JAK3: variants seen among roughly 807,000 people sequenced by gnomAD.
JAK3 encodes the protein Janus kinase 3, also known as tyrosine-protein kinase JAK3.
In JAK3, 88 loss-of-function variants were observed where a neutral mutation model predicts 120.8. That is an observed-to-expected ratio of 0.73 (90% CI 0.61 to 0.87). The LOEUF (loss-of-function observed/expected upper bound fraction) is 0.87, where lower values mean the gene tolerates loss of function less well. JAK3 is among the 40% of genes least tolerant of loss of function. The pLI, the probability that JAK3 is intolerant of heterozygous loss-of-function variation, is 0.00. For missense variants in JAK3, 1,254 were observed against 1,501.4 expected (o/e 0.84, Z 2.72); for synonymous variants, 592 against 628.6 (o/e 0.94, Z 0.87).
Position 17,841,963 on chromosome 19 carries a change from C to A in JAK3, c.862-201G>T, listed in dbSNP as rs999333489. Among the ~76,000 whole-genome samples the A allele has an allele frequency of 1.1e-4, 17 of 151,610 alleles. No individual in the cohort carries two copies. The highest frequency in any genetic ancestry group is 2.6e-4 in the Admixed American group (4 of 15,214). On this transcript the variant is annotated intron_variant, in intron 6 of 23. Coordinates refer to ENST00000458235, the MANE Select transcript of JAK3 (RefSeq NM_000215.4). The surrounding 1 kb of genome is among the most constrained non-coding windows in gnomAD (Gnocchi z 4.1). Reference sequence around the variant, plus strand: ...AACATCTCCCACCCGCTCTGCCAATCCCCGCCTCCTTCTCTCTGCCGGACC... The same window carrying A: ...AACATCTCCCACCCGCTCTGCCAATACCCGCCTCCTTCTCTCTGCCGGACC...
chr19:17,828,139 C>T (rs78295143), intron 23 of JAK3, among the ~76,000 whole-genome samples: 3,251 of 152,174 alleles, frequency 0.021, 127 homozygotes, highest in African/African-American at 0.073. Flanking sequence ...GCGTCGGCCC[C>T]GTAAGAGGCC....
rs199853515 is a variant in JAK3 at position 17,843,029 on chromosome 19, G to C, written c.564C>G (p.Val188=). The C allele has an allele frequency of 1.7e-5, 28 of 1,610,306 alleles. No individual in the cohort carries two copies. The highest frequency in any genetic ancestry group is 2.3e-5 in the Non-Finnish European group (27 of 1,179,928). The stretch of plus-strand genomic sequence containing the variant: ...CCCCACAGCCTGGTGGCTCTCACCT[G>C]ACAGTCTTCAGCAGCTCTCCCGGCC... ...AQRPGELLKT[V]SYKACLPPSL... is the part of the protein sequence containing the mutation. The change falls in exon 5 of 24, where the codon GTC becomes GTG. Residue 188 remains valine (V), a splice_region_variant and synonymous_variant. Transcript: ENST00000458235. The surrounding 1 kb of genome is among the most constrained non-coding windows in gnomAD (Gnocchi z 5.4).
intron 1 of JAK3, among the ~76,000 whole-genome samples, chr19:17,845,857 C>A (rs2094250963): frequency 6.6e-6 from 1 of 152,126 alleles, no homozygotes; most frequent in African/African-American, 2.4e-5. Context: ...CAGAGTCTAG[C>A]TCTGTCATCC....
At position 17,842,365 on chromosome 19, in the gene JAK3, A is replaced by C. The variant is rs2094241795; in HGVS notation, c.812T>G (p.Leu271Arg). 2 of 1,589,126 alleles carry C rather than the reference A, an allele frequency of 1.3e-6. No individual in the cohort carries two copies. Among genetic ancestry groups the C allele is most frequent in the Non-Finnish European group, 1.7e-6 (2 of 1,172,472 alleles). The change falls in exon 6 of 24, where the codon CTC (leucine) becomes CGC (arginine). Residue 271 changes from leucine to arginine, a missense_variant. Physicochemically the swap from Leu to Arg is moderately radical, Grantham distance 102. Coordinates refer to ENST00000458235, the MANE Select transcript of JAK3 (RefSeq NM_000215.4). This position sits in a 1 kb window ranked among gnomAD's most constrained non-coding sequence, Gnocchi z 6.4. ...ALGGHDGLGL[L>R]RVAGDGGIAW... is the part of the protein sequence containing the mutation. ...GATGCCGCCGTCACCAGCCACGCGG[A>C]GCAGCCCCAGCCCGTCGTGGCCACC...
Position 17,842,947 on chromosome 19 carries a change from G to C in JAK3, c.566+80C>G, listed in dbSNP as rs1047017828. Reference sequence around the variant, plus strand: ...AAAGCTTGCAGGAGAACTCCATGGTGGGAGCCCGGCAAAGCCCCGATGGAG... The same window carrying C: ...AAAGCTTGCAGGAGAACTCCATGGTCGGAGCCCGGCAAAGCCCCGATGGAG... On this transcript the variant is annotated intron_variant, in intron 5 of 23. Coordinates refer to ENST00000458235, the MANE Select transcript of JAK3 (RefSeq NM_000215.4). This position sits in a 1 kb window ranked among gnomAD's most constrained non-coding sequence, Gnocchi z 6.4. The C allele has an allele frequency of 5.3e-5, 84 of 1,575,422 alleles. No individual in the cohort carries two copies. In the East Asian group the frequency reaches 1.8e-3, roughly 34 times the overall value.
At chr19:17,847,105 C>T (rs1429624637) in intron 1 of JAK3, among the ~76,000 whole-genome samples, 1 of 152,136 alleles carries the variant, frequency 6.6e-6, no homozygotes, top group Non-Finnish European at 1.5e-5. Flanking sequence ...ACCATGTTGA[C>T]CAGGCTGATC....
chr19:17,831,262 CGTA>C lies in JAK3; in HGVS notation c.2941_2943del (p.Tyr981del). 6 of 1,612,524 alleles carry C rather than the reference CGTA, an allele frequency of 3.7e-6. No homozygotes were observed. Among genetic ancestry groups the C allele is most frequent in the Non-Finnish European group, 5.1e-6 (6 of 1,179,784 alleles). On this transcript the variant is annotated inframe_deletion, in exon 21 of 24. Coordinates refer to ENST00000458235, the MANE Select transcript of JAK3 (RefSeq NM_000215.4). This position sits in a 1 kb window ranked among gnomAD's most constrained non-coding sequence, Gnocchi z 5.1. The stretch of plus-strand genomic sequence containing the variant: ...GGGCTCTGGCCTGGCTCGCGGACCA[CGTA>C]GTAGTCTTTGTCAAGCGGCAGCAGC...
At position 17,841,400 on chromosome 19, in the gene JAK3, G is replaced by A. The variant is rs55802448; in HGVS notation, c.1131C>T (p.His377=). 3,048 of 1,550,872 alleles carry A rather than the reference G, an allele frequency of 2.0e-3. 33 individuals are homozygous for A. The highest frequency in any genetic ancestry group is 0.016 in the South Asian group (1,313 of 84,318). The change falls in exon 8 of 24, where the codon CAC becomes CAT. Residue 377 remains histidine, a synonymous_variant. Transcript: ENST00000458235. The surrounding 1 kb of genome is among the most constrained non-coding windows in gnomAD (Gnocchi z 4.1). The part of the protein sequence containing the change: ...RLLEEVAEQC[H]GPITLDFAIN... ...GGACAGGTCCTTACGTGATGGGGCC[G>A]TGGCACTGCTCGGCCACTTCCTCCA... is the stretch of plus-strand genomic sequence containing the variant.
At chr19:17,840,940 C>G (rs1456746473) in intron 8 of JAK3, among the ~76,000 whole-genome samples, 1 of 151,054 alleles carries the variant, frequency 6.6e-6, no homozygotes, top group Non-Finnish European at 1.5e-5. Context: ...GCCTCAGCCT[C>G]CGGAGTCGCT....
intron 1 of JAK3, among the ~76,000 whole-genome samples, chr19:17,846,335 A>G (rs930319548): frequency 3.9e-5 from 6 of 152,276 alleles, no homozygotes; most frequent in East Asian, 1.9e-4. Flanking sequence ...AGGAAGGGCA[A>G]TTGGCACAGC....
chr19:17,847,642 C>T (rs867602552), intron 1 of JAK3, among the ~76,000 whole-genome samples: 25 of 152,242 alleles, frequency 1.6e-4, no homozygotes, highest in Admixed American at 4.6e-4. Flanking sequence ...CTCCGCCCCC[C>T]AATCCCTCCT....
rs3212739 is a variant in JAK3, at chr19:17,840,680, G to A, written c.1143-339C>T. ...CGGGAGGCTGAGGCAGGAGAATGGC[G>A]TGACCCTGGGAAGCAGAGGTTGCAT... is the stretch of plus-strand genomic sequence containing the variant. On this transcript the variant is annotated intron_variant, in intron 8 of 23. Transcript: ENST00000458235. 0.035 allele frequency among the ~76,000 whole-genome samples: 5,298 copies of A among 151,664 alleles called. 313 individuals carry two copies. The highest frequency in any genetic ancestry group is 0.12 in the African/African-American group (5,008 of 41,184).
At chr19:17,835,840 T>C in intron 14 of JAK3, 84 bp downstream of exon 14, 2 of 1,575,182 alleles carry the variant, frequency 1.3e-6, no homozygotes, top group South Asian at 1.1e-5. Flanking sequence ...CTATGCATAC[T>C]ACAGAGCCCA....
intron 22 of JAK3, 30 bp from the exon 23 acceptor site, chr19:17,830,248 G>A: frequency 1.3e-6 from 2 of 1,527,442 alleles, no homozygotes; most frequent in East Asian, 4.9e-5. Flanking sequence ...CATGTGGTGG[G>A]GGAGGAGCCT....
At chr19:17,844,001 A>G in intron 2 of JAK3, 101 bp from the exon 3 acceptor site, 14 of 1,423,272 alleles carry the variant, frequency 9.8e-6, no homozygotes, top group Non-Finnish European at 1.4e-5. Context: ...TCCATACCTC[A>G]AGGTATGACC....
At chr19:17,837,735 G>A (rs541099108) in intron 12 of JAK3, among the ~76,000 whole-genome samples, 197 bp downstream of exon 12, 11 of 150,956 alleles carry the variant, frequency 7.3e-5, no homozygotes, top group Non-Finnish European at 1.3e-4. Context: ...TTGTCAAGAC[G>A]AGGTCTCGCT....
chr19:17,840,323 G>C lies in JAK3; in HGVS notation c.1161C>G (p.Asn387Lys), dbSNP rs1301716363. The C allele has an allele frequency of 1.9e-6, 3 of 1,613,582 alleles. No individual in the cohort carries two copies. Among genetic ancestry groups the C allele is most frequent in the Non-Finnish European group, 2.5e-6 (3 of 1,179,688 alleles). The change falls in exon 9 of 24, where the codon AAC (asparagine) becomes AAG (lysine). Residue 387 changes from asparagine (N) to lysine (K), a missense_variant. By Grantham distance (94) the Asn-to-Lys change is moderately conservative. Around this residue, in one of 3 missense-constraint regions of JAK3, gnomAD observed 486 missense variants for 503.0 expected, o/e 0.97. Coordinates refer to ENST00000458235, the MANE Select transcript of JAK3 (RefSeq NM_000215.4). ...GACGTGAGCCCCCAGTCTTGAGCTT[G>C]TTGATGGCAAAGTCCAGACTGTGGG... Reference protein sequence around the residue: ...HGPITLDFAINKLKTGGSRPG... With the variant: ...HGPITLDFAIKKLKTGGSRPG...
In JAK3 at chr19:17,825,270, C is replaced by A. The variant is rs2094202000; in HGVS notation, c.*1473G>T. ...GGGCTCTTAACCTCCTTACTCTGAG[C>A]CTTCTCACGCTTGGCATGCTGTTCC... is the stretch of plus-strand genomic sequence containing the variant. On this transcript the variant is annotated 3_prime_UTR_variant, in exon 24 of 24. Coordinates refer to ENST00000458235, the MANE Select transcript of JAK3 (RefSeq NM_000215.4). The A allele has an allele frequency of 4.4e-6, 1 of 229,252 alleles. No homozygotes were observed. The highest frequency in any genetic ancestry group is 2.2e-5 in the African/African-American group (1 of 45,138). 14.2% of individuals were successfully genotyped at this position (229,252 alleles called of 1,614,324 possible).
chr19:17,826,778 G>A lies in JAK3; in HGVS notation c.3340C>T (p.Pro1114Ser), dbSNP rs1051602658. ...GACAGGGAGTGGTGTTTGCCCTCTG[G>A]GTGAGCAGTGAAGGCATGAGTCTCA... ...GCETHAFTAH[P>S]EGKHHSLSFS Residue 1114 changes from proline (P) to serine (S), a missense_variant, in exon 24 of 24, where the codon CCA becomes TCA. Physicochemically the swap from Pro to Ser is moderately conservative, Grantham distance 74. This residue lies in a region of JAK3 where 630 missense variants were observed against 819.8 expected (regional missense o/e 0.77). Transcript: ENST00000458235. 4 of 1,613,968 alleles carry A rather than the reference G, an allele frequency of 2.5e-6. No homozygotes were observed. The highest frequency in any genetic ancestry group is 1.3e-5 in the African/African-American group (1 of 74,912).
Sources: gnomAD v4.1 joint callset for allele counts (sites outside exome capture counted in the v4.1 genomes callset) on GRCh38, gnomAD v4.1.1 for gene constraint, gnomAD v4.1.1 regional missense constraint, Gnocchi (gnomAD v3.1) non-coding constraint, MANE v1.5 for transcripts, NCBI Gene and HGNC (gene_info 2026-07-23, HGNC 2026-07-21) for gene names.